Variants in KCNIP4 observed in about 807,000 individuals in gnomAD.
The protein encoded by KCNIP4 is Kv channel-interacting protein 4.
A neutral mutation model predicts 34.0 loss-of-function variants in KCNIP4; 12 were observed. That is an observed-to-expected ratio of 0.35 (90% CI 0.23 to 0.57). The LOEUF is 0.57. Among genes scored for constraint, KCNIP4 ranks in the 20% least tolerant of loss-of-function variants. The pLI is 0.83. For missense variants in KCNIP4, 238 were observed against 311.7 expected (o/e 0.76, Z 1.78); for synonymous variants, 124 against 102.2 (o/e 1.21, Z -1.29).
chr4:21,640,705 C>T (rs1746553050), intron 1 of KCNIP4, among the ~76,000 whole-genome samples: 1 of 152,092 alleles, frequency 6.6e-6, no homozygotes, highest in African/African-American at 2.4e-5. Context: ...GGAGGCAATA[C>T]ATTTCTTATT....
chr4:21,635,308 C>T (rs559559726), intron 1 of KCNIP4, among the ~76,000 whole-genome samples: 1 of 152,274 alleles, frequency 6.6e-6, no homozygotes, highest in East Asian at 1.9e-4. Flanking sequence ...TGCCCAGATA[C>T]ATTAAATCAA....
At chr4:21,471,141 A>G (rs1164114470) in intron 1 of KCNIP4, among the ~76,000 whole-genome samples, 8 of 152,196 alleles carry the variant, frequency 5.3e-5, no homozygotes, top group Non-Finnish European at 8.8e-5. Flanking sequence ...CTAGGTTTGT[A>G]TAAGTCCTTT....
At chr4:21,519,520 ATGTG>A (rs1254479570) in intron 1 of KCNIP4, among the ~76,000 whole-genome samples, 3 of 60,930 alleles carry the variant, frequency 4.9e-5, no homozygotes, top group Non-Finnish European at 1.2e-4. Context: ...ATATACACAT[ATGTG>A]TGTATGTGTA....
intron 1 of KCNIP4, among the ~76,000 whole-genome samples, chr4:21,379,993 C>G (rs1183435552): frequency 2.0e-5 from 3 of 151,942 alleles, no homozygotes; most frequent in Non-Finnish European, 4.4e-5. Context: ...GATCTACTAC[C>G]AAGAACAGAG....
intron 1 of KCNIP4, among the ~76,000 whole-genome samples, chr4:21,445,872 C>T (rs555402295): frequency 1.0e-3 from 154 of 152,280 alleles, no homozygotes; most frequent in Non-Finnish European, 2.0e-3. Context: ...GCAATCTACT[C>T]ATCTGACAAA....
intron 1 of KCNIP4, among the ~76,000 whole-genome samples, chr4:21,734,508 T>C (rs974089202): frequency 8.5e-5 from 13 of 152,200 alleles, no homozygotes; most frequent in African/African-American, 3.1e-4. Flanking sequence ...TATATTGGTA[T>C]TTGAGTTAGA....
chr4:21,046,578 A>ATTTATTTATTTATTT (rs1742437294), intron 1 of KCNIP4, among the ~76,000 whole-genome samples: 1 of 117,870 alleles, frequency 8.5e-6, no homozygotes, highest in Non-Finnish European at 2.0e-5. Flanking sequence ...GTTACTAGCT[A>ATTTATTTATTTATTT]ATTTATTTAT....
At chr4:21,107,253 C>A (rs1014089914) in intron 1 of KCNIP4, among the ~76,000 whole-genome samples, 3 of 144,716 alleles carry the variant, frequency 2.1e-5, no homozygotes, top group African/African-American at 5.4e-5. Context: ...GTAGGTCACT[C>A]AGGACTTGCT....
At chr4:21,631,892 C>T (rs1745791646) in intron 1 of KCNIP4, among the ~76,000 whole-genome samples, 2 of 152,066 alleles carry the variant, frequency 1.3e-5, no homozygotes, top group African/African-American at 2.4e-5. Flanking sequence ...TATACATTAC[C>T]CACCATCTAT....
intron 1 of KCNIP4, among the ~76,000 whole-genome samples, chr4:21,869,533 C>A (rs1164969089): frequency 6.6e-6 from 1 of 152,170 alleles, no homozygotes; most frequent in Non-Finnish European, 1.5e-5. Flanking sequence ...TCCCCTATTT[C>A]TTCCCAAATT....
intron 1 of KCNIP4, among the ~76,000 whole-genome samples, chr4:21,552,773 G>T (rs933560051): frequency 2.6e-5 from 4 of 152,060 alleles, no homozygotes; most frequent in African/African-American, 9.7e-5. Context: ...AGCTTATCTT[G>T]CTGTAGAGCA....
intron 1 of KCNIP4, among the ~76,000 whole-genome samples, chr4:21,896,949 AAATAAATAAATAAATAAAT>A (rs1473945219): frequency 1.4e-5 from 1 of 70,464 alleles, no homozygotes; most frequent in African/African-American, 7.4e-5. Context: ...ATAAATAAAT[AAATAAATAAATAAATAAAT>A]AAATATTTTA....
At chr4:21,715,746 A>C (rs1158926952) in intron 1 of KCNIP4, among the ~76,000 whole-genome samples, 5 of 152,214 alleles carry the variant, frequency 3.3e-5, no homozygotes. Context: ...GGTGAGTTGC[A>C]TCCATCAAAA....
At chr4:20,764,568 A>G (rs766935737) in intron 3 of KCNIP4, among the ~76,000 whole-genome samples, 2 of 152,102 alleles carry the variant, frequency 1.3e-5, no homozygotes, top group Admixed American at 6.6e-5. Flanking sequence ...AGCTCTTTCT[A>G]TGCACAGTCA....
At chr4:21,744,788 AT>A (rs1716661620) in intron 1 of KCNIP4, among the ~76,000 whole-genome samples, 1 of 152,226 alleles carries the variant, frequency 6.6e-6, no homozygotes, top group Non-Finnish European at 1.5e-5. Flanking sequence ...TCTTATCAAC[AT>A]ACCTTGTAAG....
chr4:21,519,373 C>CACATATGTGT (rs1410530504), intron 1 of KCNIP4, among the ~76,000 whole-genome samples: 11 of 102,316 alleles, frequency 1.1e-4, no homozygotes, highest in Admixed American at 3.1e-4. Context: ...CACACACACA[C>CACATATGTGT]GTATATGTAT....
chr4:21,121,723 G>C (rs778379684), intron 1 of KCNIP4, among the ~76,000 whole-genome samples: 77 of 152,156 alleles, frequency 5.1e-4, no homozygotes, highest in Non-Finnish European at 8.7e-4. Context: ...CAAGCATATT[G>C]CCCAAAACAT....
At chr4:20,843,250 C>A (rs1719962471) in intron 3 of KCNIP4, among the ~76,000 whole-genome samples, 1 of 151,924 alleles carries the variant, frequency 6.6e-6, no homozygotes, top group Non-Finnish European at 1.5e-5. Flanking sequence ...ACATTTTTGT[C>A]AAAATAATCT....
intron 1 of KCNIP4, among the ~76,000 whole-genome samples, chr4:21,100,107 C>T (rs983965210): frequency 4.6e-5 from 7 of 152,036 alleles, no homozygotes; most frequent in Non-Finnish European, 8.8e-5. Flanking sequence ...ACACAAACTT[C>T]GATAAAGCAG....
Sources: gnomAD v4.1 joint callset for allele counts (sites outside exome capture counted in the v4.1 genomes callset) on GRCh38, gnomAD v4.1.1 for gene constraint, MANE v1.5 for transcripts, NCBI Gene and HGNC (gene_info 2026-07-23, HGNC 2026-07-21) for gene names.